Variants in ARID1B observed in about 807,000 individuals in gnomAD.
ARID1B encodes the protein AT-rich interactive domain-containing protein 1B.
A neutral mutation model predicts 212.3 loss-of-function variants in ARID1B; 30 were observed. That is an observed-to-expected ratio of 0.14 (90% CI 0.11 to 0.19). The LOEUF is 0.19. Among genes scored for constraint, ARID1B ranks in the 10% least tolerant of loss-of-function variants. ARID1B has a pLI of 1.00. For missense variants in ARID1B, 2,891 were observed against 3,204.0 expected, an observed-to-expected ratio of 0.90 and a Z score of 2.36; for synonymous variants, 1,402 against 1,301.7, an observed-to-expected ratio of 1.08 and a Z score of -1.66.
chr6:157,110,992 C>T (rs979889690), intron 6 of ARID1B: 80 of 171,850 alleles, frequency 4.7e-4, no homozygotes, highest in Non-Finnish European at 1.7e-4. Flanking sequence ...AAACCCAGAG[C>T]AAGACCCTGT....
At chr6:156,897,261 CTTCTTATTA>C (rs1194291084) in intron 2 of ARID1B, among the ~76,000 whole-genome samples, 30 of 92,736 alleles carry the variant, frequency 3.2e-4, no homozygotes, top group Middle Eastern at 5.3e-3. Flanking sequence ...TCTTCTTCTT[CTTCTTATTA>C]TTATTATTAT....
At chr6:157,079,532 C>T (rs1784510719) in intron 4 of ARID1B, among the ~76,000 whole-genome samples, 1 of 152,162 alleles carries the variant, frequency 6.6e-6, no homozygotes, top group African/African-American at 2.4e-5. Flanking sequence ...AGTAATTTTA[C>T]AGTGTGTTTC....
intron 4 of ARID1B, among the ~76,000 whole-genome samples, chr6:156,998,615 G>A (rs541135514): frequency 1.1e-3 from 170 of 152,318 alleles, no homozygotes; most frequent in African/African-American, 3.9e-3. Flanking sequence ...CTGTGCAGCC[G>A]ACAGCAGCCT....
intron 2 of ARID1B, among the ~76,000 whole-genome samples, chr6:156,881,093 C>T (rs374146608): frequency 2.0e-5 from 3 of 152,124 alleles, no homozygotes; most frequent in Non-Finnish European, 2.9e-5. Flanking sequence ...GCAGGAGTTT[C>T]GAGAGAGCCC....
chr6:156,800,649 G>C (rs1780713260), intron 1 of ARID1B, among the ~76,000 whole-genome samples: 1 of 152,102 alleles, frequency 6.6e-6, no homozygotes, highest in Non-Finnish European at 1.5e-5. Flanking sequence ...GCTCATACCT[G>C]TAATTCCAGC....
intron 3 of ARID1B, among the ~76,000 whole-genome samples, chr6:156,919,526 T>C (rs912064948): frequency 2.6e-5 from 4 of 152,222 alleles, no homozygotes; most frequent in African/African-American, 9.6e-5. Context: ...GCCTGGAGTG[T>C]GTGGCCAGCT....
At chr6:157,027,961 T>C (rs551015154) in intron 4 of ARID1B, among the ~76,000 whole-genome samples, 1 of 152,346 alleles carries the variant, frequency 6.6e-6, no homozygotes, top group South Asian at 2.1e-4. Context: ...TTCCTTTTTA[T>C]GAAATGTCAA....
chr6:157,189,910 T>A, intron 14 of ARID1B, 128 bp from the exon 15 acceptor site: 1 of 1,571,056 alleles, frequency 6.4e-7, no homozygotes, highest in Non-Finnish European at 8.7e-7. Context: ...ACTGCCAGTT[T>A]TCTTCATGTC....
chr6:157,056,823 A>C (rs559262956), intron 4 of ARID1B, among the ~76,000 whole-genome samples: 2 of 151,014 alleles, frequency 1.3e-5, no homozygotes, highest in African/African-American at 4.9e-5. Flanking sequence ...TTTTTTTGTT[A>C]AAAACTTTTC....
chr6:157,057,090 G>C lies in ARID1B; in HGVS notation c.2248-27572G>C, dbSNP rs557895868. On this transcript the variant is annotated intron_variant, in intron 4 of 19. Coordinates refer to ENST00000636930, the MANE Select transcript of ARID1B (RefSeq NM_001374828.1). ...TGGCTCACTGAAAGCTCCGCCTCCTGGGTTCACGCCATTCTCCTGTCTCAG... is the reference window on the plus strand; with the variant it reads ...TGGCTCACTGAAAGCTCCGCCTCCTCGGTTCACGCCATTCTCCTGTCTCAG... Among the ~76,000 whole-genome samples the C allele has an allele frequency of 2.0e-5, 3 of 151,750 alleles. No homozygotes were observed. The East Asian group carries it at 5.8e-4, about 29-fold the overall frequency.
chr6:156,932,863 C>T (rs1022339914), intron 3 of ARID1B, among the ~76,000 whole-genome samples: 3 of 152,188 alleles, frequency 2.0e-5, no homozygotes, highest in Non-Finnish European at 4.4e-5. Flanking sequence ...AACACGTTTC[C>T]TTTTCAATAG....
At chr6:156,950,201 G>A (rs979719509) in intron 4 of ARID1B, among the ~76,000 whole-genome samples, 1 of 152,116 alleles carries the variant, frequency 6.6e-6, no homozygotes, top group African/African-American at 2.4e-5. Flanking sequence ...CTAAAAGAAG[G>A]CAAAAGCAAA....
At position 156,884,260 on chromosome 6, in the gene ARID1B, TCA is replaced by T. The variant is rs201843054; in HGVS notation, c.1987-17115_1987-17114del. Among the ~76,000 whole-genome samples the T allele has an allele frequency of 9.5e-4, 145 of 152,306 alleles. 2 individuals carry two copies. The East Asian group carries it at 0.02, about 21-fold the overall frequency. ...TGACAGCCATTACTCTAATTAACTT[TCA>T]GTATTTTTTAAGCTCCTTTGATTCC... On this transcript the variant is annotated intron_variant, in intron 2 of 19. Coordinates refer to ENST00000636930, the MANE Select transcript of ARID1B (RefSeq NM_001374828.1).
At chr6:156,835,314 T>G (rs1783436218) in intron 2 of ARID1B, among the ~76,000 whole-genome samples, 1 of 152,098 alleles carries the variant, frequency 6.6e-6, no homozygotes, top group Non-Finnish European at 1.5e-5. Context: ...TTTTGTGTAC[T>G]TTTTATATTG....
chr6:157,184,050 G>A (rs1277893231), intron 12 of ARID1B, among the ~76,000 whole-genome samples, 181 bp from the exon 13 acceptor site: 5 of 152,150 alleles, frequency 3.3e-5, no homozygotes, highest in African/African-American at 9.7e-5. Flanking sequence ...CCATCAGCAG[G>A]TTCCCTAATG....
At chr6:156,998,446 A>G (rs1778723787) in intron 4 of ARID1B, among the ~76,000 whole-genome samples, 1 of 152,032 alleles carries the variant, frequency 6.6e-6, no homozygotes, top group African/African-American at 2.4e-5. Context: ...GATGGTCTGG[A>G]TCTCCTGACC....
At chr6:156,872,141 C>T (rs1786183401) in intron 2 of ARID1B, among the ~76,000 whole-genome samples, 1 of 152,164 alleles carries the variant, frequency 6.6e-6, no homozygotes, top group Admixed American at 6.5e-5. Context: ...TGATCCTGAG[C>T]AAGTTACTTA....
chr6:156,872,674 C>G (rs1195273926), intron 2 of ARID1B, among the ~76,000 whole-genome samples: 1 of 151,814 alleles, frequency 6.6e-6, no homozygotes, highest in Non-Finnish European at 1.5e-5. Context: ...GCTAAGCTTT[C>G]TTTAATAATT....
At chr6:156,791,422 G>A (rs1330297691) in intron 1 of ARID1B, among the ~76,000 whole-genome samples, 1 of 152,186 alleles carries the variant, frequency 6.6e-6, no homozygotes, top group Admixed American at 6.5e-5. Context: ...CTTTTCAACA[G>A]TCTCACTTGT....
Sources: gnomAD v4.1 joint callset for allele counts (sites outside exome capture counted in the v4.1 genomes callset) on GRCh38, gnomAD v4.1.1 for gene constraint, MANE v1.5 for transcripts, NCBI Gene and HGNC (gene_info 2026-07-23, HGNC 2026-07-21) for gene names.